RBM47: variants seen among roughly 807,000 people sequenced by gnomAD.
The protein encoded by RBM47 is RNA-binding protein 47.
A neutral mutation model predicts 47.1 loss-of-function variants in RBM47; 21 were observed. The ratio of observed to expected loss-of-function variants is 0.45; its 90% confidence interval spans 0.32 to 0.64. The LOEUF (loss-of-function observed/expected upper bound fraction) is 0.64. RBM47 is among the 30% of genes least tolerant of loss of function. The pLI is 0.05. For missense variants in RBM47, 708 were observed against 870.9 expected (o/e 0.81, Z 2.35); for synonymous variants, 375 against 361.7 (o/e 1.04, Z -0.42).
At chr4:40,441,121 T>G (rs1477883792) in intron 3 of RBM47, among the ~76,000 whole-genome samples, 1 of 151,918 alleles carries the variant, frequency 6.6e-6, no homozygotes, top group Admixed American at 6.6e-5. Context: ...TTTTTTTCTT[T>G]TTTTAAAAAT....
chr4:40,559,524 T>A (rs534652992), intron 1 of RBM47, among the ~76,000 whole-genome samples: 8 of 152,232 alleles, frequency 5.3e-5, no homozygotes, highest in African/African-American at 1.7e-4. Flanking sequence ...CTAAATTTTT[T>A]AAAAATAAGA....
intron 1 of RBM47, among the ~76,000 whole-genome samples, chr4:40,619,754 G>C (rs1453947503): frequency 6.6e-6 from 1 of 152,116 alleles, no homozygotes; most frequent in Non-Finnish European, 1.5e-5. Flanking sequence ...ACCTACTATT[G>C]TGTAGTACCT....
intron 1 of RBM47, among the ~76,000 whole-genome samples, chr4:40,583,752 A>G (rs1475418074): frequency 3.6e-4 from 54 of 150,328 alleles, no homozygotes; most frequent in African/African-American, 1.2e-3. Flanking sequence ...CAGCTACTCG[A>G]GAGGCTGAGG....
Position 40,436,474 on chromosome 4 carries a change from T to C in RBM47, c.1297A>G (p.Thr433Ala). Residue 433 changes from threonine (T) to alanine (A), a missense_variant, in exon 5 of 7, where the codon ACC becomes GCC. Coordinates refer to ENST00000295971, the MANE Select transcript of RBM47 (RefSeq NM_001098634.2). ...YELVPNLEIP[T>A]VNPVAIKPGT... ...GGTTTAATGGCAACTGGGTTGACGG[T>C]AGGGATTTCCAAATTCGGCACCAGT... 6.2e-7 allele frequency: 1 copy of C among 1,614,068 alleles called. No individual in the cohort carries two copies. Among genetic ancestry groups the C allele is most frequent in the Non-Finnish European group, 8.5e-7 (1 of 1,180,026 alleles).
intron 2 of RBM47, among the ~76,000 whole-genome samples, chr4:40,498,562 C>T (rs1722943288): frequency 6.7e-6 from 1 of 150,094 alleles, no homozygotes; most frequent in Admixed American, 6.7e-5. Context: ...TCTGAAGTCC[C>T]AACTACTTGG....
intron 1 of RBM47, among the ~76,000 whole-genome samples, chr4:40,611,909 T>A (rs1381235308): frequency 6.6e-6 from 1 of 152,152 alleles, no homozygotes; most frequent in Non-Finnish European, 1.5e-5. Context: ...GTATCTCCAA[T>A]AAGATACATG....
chr4:40,539,929 T>A (rs554222271), intron 2 of RBM47, among the ~76,000 whole-genome samples: 1 of 152,134 alleles, frequency 6.6e-6, no homozygotes, highest in East Asian at 1.9e-4. Flanking sequence ...TTCCTCCTTT[T>A]CAAATGCAAC....
chr4:40,548,344 G>C (rs1577933512), intron 1 of RBM47, among the ~76,000 whole-genome samples: 2 of 152,338 alleles, frequency 1.3e-5, no homozygotes, highest in African/African-American at 4.8e-5. Context: ...ACGGGCAGGG[G>C]AGAGCAACAG....
chr4:40,561,544 C>CTTTTTTT (rs796381156), intron 1 of RBM47, among the ~76,000 whole-genome samples: 9 of 124,572 alleles, frequency 7.2e-5, no homozygotes, highest in Admixed American at 1.6e-4. Flanking sequence ...TTCTTCTTTT[C>CTTTTTTT]TTTTTTTTTT....
At chr4:40,429,688 CAAAAAAAAAAAAAAAA>C (rs60673202) in intron 6 of RBM47, among the ~76,000 whole-genome samples, 2 of 38,106 alleles carry the variant, frequency 5.2e-5, no homozygotes, top group East Asian at 2.0e-3. Context: ...GACTCCATCT[CAAAAAAAAAAAAAAAA>C]AAAAAAAAAA....
At chr4:40,623,937 C>T (rs767131735) in intron 1 of RBM47, among the ~76,000 whole-genome samples, 5 of 151,826 alleles carry the variant, frequency 3.3e-5, no homozygotes, top group Admixed American at 1.3e-4. Flanking sequence ...CTGCTACCTC[C>T]GCCTCCCGAT....
intron 3 of RBM47, among the ~76,000 whole-genome samples, chr4:40,440,244 T>C (rs533562760): frequency 6.6e-6 from 1 of 152,330 alleles, no homozygotes; most frequent in Non-Finnish European, 1.5e-5. Context: ...TCCTACCCAA[T>C]GATAGCACAA....
At chr4:40,517,977 A>G (rs972054122) in intron 2 of RBM47, among the ~76,000 whole-genome samples, 10 of 152,132 alleles carry the variant, frequency 6.6e-5, no homozygotes, top group Admixed American at 1.3e-4. Flanking sequence ...CCCCATGGAT[A>G]CAGAAGGATC....
At chr4:40,517,030 C>A (rs1309526386) in intron 2 of RBM47, among the ~76,000 whole-genome samples, 5 of 152,154 alleles carry the variant, frequency 3.3e-5, no homozygotes, top group Admixed American at 6.6e-5. Flanking sequence ...CCCATGAGCA[C>A]CCCTCTTGGG....
chr4:40,470,218 C>T (rs1016219123), intron 2 of RBM47, among the ~76,000 whole-genome samples: 5 of 152,158 alleles, frequency 3.3e-5, no homozygotes, highest in African/African-American at 1.2e-4. Context: ...ATTCCAGCTC[C>T]CCCCGCCCCC....
intron 2 of RBM47, 24 bp from the exon 3 acceptor site, chr4:40,466,723 T>C (rs972629007): frequency 6.0e-5 from 8 of 133,102 alleles, no homozygotes; most frequent in Non-Finnish European, 1.2e-4. Flanking sequence ...AAGAAATGGT[T>C]AGAAATATTT....
At position 40,429,955 on chromosome 4, in the gene RBM47, G is replaced by A. The variant is rs1715670619; in HGVS notation, c.1542+2696C>T. Reference sequence around the variant, plus strand: ...CACGCCTGTAATCCCAGCACTTTGGGAGGCTGAGGAGGGCGGATCATGAAG... The same window carrying A: ...CACGCCTGTAATCCCAGCACTTTGGAAGGCTGAGGAGGGCGGATCATGAAG... On this transcript the variant is annotated intron_variant, in intron 6 of 6. Transcript: ENST00000295971. Among the ~76,000 whole-genome samples, 3 of 152,136 alleles carry A rather than the reference G, an allele frequency of 2.0e-5. No individual in the cohort carries two copies. The South Asian group carries it at 6.2e-4, about 32-fold the overall frequency.
At chr4:40,485,029 T>C (rs1720893833) in intron 2 of RBM47, among the ~76,000 whole-genome samples, 1 of 152,224 alleles carries the variant, frequency 6.6e-6, no homozygotes, top group African/African-American at 2.4e-5. Flanking sequence ...TTTTTTGTTT[T>C]TGTTAAGACT....
chr4:40,572,694 G>C (rs1334245244), intron 1 of RBM47, among the ~76,000 whole-genome samples: 1 of 151,446 alleles, frequency 6.6e-6, no homozygotes, highest in Non-Finnish European at 1.5e-5. Flanking sequence ...AGACCAGCCT[G>C]GTCAACATAG....
Sources: allele counts gnomAD v4.1 joint callset (sites outside exome capture counted in the v4.1 genomes callset), GRCh38; gene constraint gnomAD v4.1.1; transcripts MANE v1.5; gene names NCBI Gene and HGNC (gene_info 2026-07-23, HGNC 2026-07-21).